The following EIF3A variants were observed in gnomAD, a reference collection of about 807,000 sequenced individuals.
The protein encoded by EIF3A is eukaryotic translation initiation factor 3 subunit A.
A neutral mutation model predicts 186.6 loss-of-function variants in EIF3A; 21 were observed. The ratio of observed to expected loss-of-function variants is 0.11; its 90% CI spans 0.08 to 0.16. The LOEUF (loss-of-function observed/expected upper bound fraction) is 0.16. EIF3A is among the 10% of genes least tolerant of loss of function. The pLI is 1.00. For missense variants in EIF3A, 1,306 were observed against 1,796.3 expected, an observed-to-expected ratio of 0.73 and a Z score of 4.93; for synonymous variants, 563 against 584.3, an observed-to-expected ratio of 0.96 and a Z score of 0.52.
chr10:119,068,971 CAAAAAAAAAAAAA>C, intron 6 of EIF3A, among the ~76,000 whole-genome samples: 1 of 99,010 alleles, frequency 1.0e-5, no homozygotes, highest in South Asian at 3.1e-4. Flanking sequence ...CTCTGTCTTG[CAAAAAAAAAAAAA>C]AAAAAAGAAA....
rs1230277110 is a variant in EIF3A at position 119,060,930 on chromosome 10, CA to C, written c.1228-87del. On this transcript the variant is annotated intron_variant, in intron 8 of 21. Transcript: ENST00000369144. ...CTAAAACTCTTTTTTTTTTAATATA[CA>C]AAAACATCATCCAATGCAAAGAAAT... 15 of 869,748 alleles carry C rather than the reference CA, an allele frequency of 1.7e-5. No homozygotes were observed. The Admixed American group carries it at 3.9e-4, about 22-fold the overall frequency. 53.9% of individuals were successfully genotyped at this position (869,748 alleles called of 1,614,324 possible).
chr10:119,050,039 G>C, intron 16 of EIF3A, 54 bp from the exon 17 acceptor site: 1 of 1,540,240 alleles, frequency 6.5e-7, no homozygotes, highest in Non-Finnish European at 8.9e-7. Flanking sequence ...CTTCCCCCTA[G>C]TGCTAGTTCC....
At chr10:119,076,937 C>CA (rs71016536) in intron 1 of EIF3A, among the ~76,000 whole-genome samples, 1,237 of 123,440 alleles carry the variant, frequency 0.01, 42 homozygotes, top group African/African-American at 0.026. Context: ...GACTCTGTCT[C>CA]AAAAAAAAAA....
chr10:119,043,550 G>A (rs1848242131), intron 18 of EIF3A, among the ~76,000 whole-genome samples: 1 of 152,106 alleles, frequency 6.6e-6, no homozygotes, highest in Non-Finnish European at 1.5e-5. Context: ...GGGAGGTTGA[G>A]GCTGTAGTGA....
At chr10:119,046,455 AAAT>A (rs1188085415) in intron 17 of EIF3A, among the ~76,000 whole-genome samples, 1 of 152,228 alleles carries the variant, frequency 6.6e-6, no homozygotes, top group Non-Finnish European at 1.5e-5. Flanking sequence ...ACTTGAGACT[AAAT>A]AATGTTCGCT....
chr10:119,034,111 G>A lies in EIF3A; in HGVS notation c.*1928C>T, dbSNP rs1214353034. On this transcript the variant is annotated 3_prime_UTR_variant, in exon 22 of 22. Transcript: ENST00000369144. ...GATCGGTGAGTAGGCTGCTTGTTCAGCTTTCCTTTAACACCTGTTGGTAAA... is the reference window on the plus strand; with the variant it reads ...GATCGGTGAGTAGGCTGCTTGTTCAACTTTCCTTTAACACCTGTTGGTAAA... 1 of 167,126 alleles carries A rather than the reference G, an allele frequency of 6.0e-6. No individual in the cohort carries two copies. The highest frequency in any genetic ancestry group is 1.9e-4 in the East Asian group (1 of 5,206). 10.4% of individuals were successfully genotyped at this position (167,126 alleles called of 1,614,324 possible).
intron 5 of EIF3A, among the ~76,000 whole-genome samples, chr10:119,070,022 T>C (rs1017391995): frequency 2.6e-5 from 4 of 152,036 alleles, no homozygotes; most frequent in African/African-American, 9.7e-5. Context: ...TTATGGATTT[T>C]TTTCTATAAT....
intron 1 of EIF3A, among the ~76,000 whole-genome samples, chr10:119,075,966 T>C (rs1844165097): frequency 7.1e-6 from 1 of 139,946 alleles, no homozygotes; most frequent in Admixed American, 7.5e-5. Context: ...GACCTCGTGA[T>C]CTGCCCACCT....
rs1162849712 is a variant in EIF3A at position 119,065,557 on chromosome 10, C to T, written c.964G>A (p.Val322Ile). The stretch of plus-strand genomic sequence containing the variant: ...GGGATGGAAAGAGTGGCTAAAAGGA[C>T]TCTAGTAGACATTCTATGGAGAACA... Reference protein sequence around the residue: ...QDEMQRMSTRVLLATLSIPIT... With the variant: ...QDEMQRMSTRILLATLSIPIT... Residue 322 changes from valine to isoleucine, a missense_variant, in exon 7 of 22, where the codon GTC becomes ATC. This residue lies in a region of EIF3A where 267 missense variants were observed against 367.8 expected (regional missense o/e 0.73). Transcript: ENST00000369144. The T allele has an allele frequency of 1.2e-6, 2 of 1,606,452 alleles. No homozygotes were observed. Among genetic ancestry groups the T allele is most frequent in the African/African-American group, 2.7e-5 (2 of 74,462 alleles).
At chr10:119,080,426 G>A in intron 1 of EIF3A, 1 of 985,448 alleles carries the variant, frequency 1.0e-6, no homozygotes, top group Non-Finnish European at 1.2e-6. Context: ...GACGGTTCCG[G>A]GCTACGCGCC....
Position 119,037,364 on chromosome 10 carries a change from T to C in EIF3A, c.3729-55A>G. 2.7e-6 allele frequency: 4 copies of C among 1,489,362 alleles called. No individual in the cohort carries two copies. In the South Asian group the frequency reaches 3.4e-5, roughly 13 times the overall value. The allele number at this position is 1,489,362 out of a possible 1,614,324, so 92.3% of individuals were successfully genotyped here. On this transcript the variant is annotated intron_variant, in intron 20 of 21. Coordinates refer to ENST00000369144, the MANE Select transcript of EIF3A (RefSeq NM_003750.4). ...TCTTACTGTTAGACCAAATGGATAA[T>C]TATAAGTACATCCAGTCCAAGCTGG... is the stretch of plus-strand genomic sequence containing the variant.
intron 7 of EIF3A, 136 bp downstream of exon 7, chr10:119,065,263 G>A (rs1843952450): frequency 1.6e-6 from 1 of 644,690 alleles, no homozygotes; most frequent in African/African-American, 1.8e-5. Flanking sequence ...AACAGTGATT[G>A]ACACCAGTGC....
At chr10:119,062,742 C>CTT in intron 7 of EIF3A, among the ~76,000 whole-genome samples, 1 of 85,898 alleles carries the variant, frequency 1.2e-5, no homozygotes, top group Non-Finnish European at 2.6e-5. Flanking sequence ...TAAGAGATCA[C>CTT]CTTTTTTTTT....
rs111666776 is a variant in EIF3A at position 119,037,410 on chromosome 10, AACAG to A, written c.3729-105_3729-102del. ...GCTGGGGCTTAGAGTTTACAAATAT[AACAG>A]ACAGTTTAAACTCATAACCTGACCT... On this transcript the variant is annotated intron_variant, in intron 20 of 21. Transcript: ENST00000369144. The A allele has an allele frequency of 3.7e-3, 3,863 of 1,048,284 alleles. 100 individuals carry two copies. The African/African-American group carries it at 0.054, about 15-fold the overall frequency. The allele number at this position is 1,048,284 out of a possible 1,614,324, so 64.9% of individuals were successfully genotyped here.
intron 17 of EIF3A, among the ~76,000 whole-genome samples, chr10:119,047,833 C>G (rs1848301379): frequency 6.6e-6 from 1 of 152,078 alleles, no homozygotes; most frequent in Admixed American, 6.6e-5. Flanking sequence ...TAACTAGTAT[C>G]AAGTGTAGGC....
intron 14 of EIF3A, among the ~76,000 whole-genome samples, chr10:119,053,697 G>A (rs1371836332): frequency 6.6e-6 from 1 of 152,116 alleles, no homozygotes; most frequent in Non-Finnish European, 1.5e-5. Flanking sequence ...TCCAGCCTGG[G>A]TGATAGAGTG....
rs116931465 is a variant in EIF3A, at chr10:119,035,994, A to T, written c.*45T>A. On this transcript the variant is annotated 3_prime_UTR_variant, in exon 22 of 22. Coordinates refer to ENST00000369144, the MANE Select transcript of EIF3A (RefSeq NM_003750.4). Reference sequence around the variant, plus strand: ...ACAAGTATAATAATCCTTGAATGTGATCAAACCTATTTAAGACACCAGTTT... The same window carrying T: ...ACAAGTATAATAATCCTTGAATGTGTTCAAACCTATTTAAGACACCAGTTT... 1.3e-4 allele frequency: 188 copies of T among 1,429,818 alleles called. No individual in the cohort carries two copies. In the East Asian group the frequency reaches 3.8e-3, roughly 29 times the overall value. The allele number at this position is 1,429,818 out of a possible 1,614,324, so 88.6% of individuals were successfully genotyped here. A position where few individuals can be genotyped will look rare whatever the true frequency, so the allele number is the denominator to read the frequency against.
chr10:119,045,399 G>A (rs1848269919), intron 17 of EIF3A, among the ~76,000 whole-genome samples: 1 of 152,154 alleles, frequency 6.6e-6, no homozygotes, highest in South Asian at 2.1e-4. Context: ...GGTGGGGGTT[G>A]TTCTAAGAGA....
chr10:119,039,337 G>C (rs7084494), intron 19 of EIF3A, among the ~76,000 whole-genome samples: 1 of 151,976 alleles, frequency 6.6e-6, no homozygotes, highest in Admixed American at 6.6e-5. Context: ...ATTTGCTGGT[G>C]ACCTCACTGT....
Sources: gnomAD v4.1 joint callset for allele counts (sites outside exome capture counted in the v4.1 genomes callset) on GRCh38, gnomAD v4.1.1 for gene constraint, gnomAD v4.1.1 regional missense constraint, MANE v1.5 for transcripts, NCBI Gene and HGNC (gene_info 2026-07-23, HGNC 2026-07-21) for gene names.